COG7: variants seen among roughly 807,000 people sequenced by gnomAD.
COG7 encodes the protein conserved oligomeric Golgi complex subunit 7.
A neutral mutation model predicts 91.5 loss-of-function variants in COG7; 49 were observed. That is an observed-to-expected ratio of 0.54 (90% CI 0.43 to 0.68). COG7 has a LOEUF of 0.68. Ranked by LOEUF, COG7 falls within the 30% of genes least tolerant of loss-of-function variation. The pLI is 0.00. For synonymous variants in COG7, 365 were observed against 388.7 expected (o/e 0.94, Z 0.72); for missense variants, 895 against 961.3 (o/e 0.93, Z 0.91).
Position 23,388,642 on chromosome 16 carries a change from T to TTTTAAA in COG7, c.*277_*278insTTTAAA. On this transcript the variant is annotated 3_prime_UTR_variant, in exon 17 of 17. Transcript: ENST00000307149. ...ACCAAGTCTTTTTTTTTTTTTTTTT[T>TTTTAAA]GAGACAGAGTCTCGCTCTGCTGTTA... 1 of 171,694 alleles carries TTTTAAA rather than the reference T, an allele frequency of 5.8e-6. No individual in the cohort carries two copies. Among genetic ancestry groups the TTTTAAA allele is most frequent in the East Asian group, 1.5e-4 (1 of 6,744 alleles). 10.6% of individuals were successfully genotyped at this position (171,694 alleles called of 1,614,324 possible).
chr16:23,442,402 C>A (rs1964115789), intron 4 of COG7, 75 bp downstream of exon 4: 1 of 1,318,024 alleles, frequency 7.6e-7, no homozygotes. Context: ...TTAAGACATT[C>A]TAAAAACTGA....
intron 1 of COG7, among the ~76,000 whole-genome samples, chr16:23,447,953 C>T (rs140001965): frequency 6.0e-4 from 91 of 152,098 alleles, no homozygotes; most frequent in African/African-American, 2.2e-3. Flanking sequence ...CATAACGTGG[C>T]CCCTGTGGAC....
chr16:23,449,112 C>T (rs1964224351), intron 1 of COG7, among the ~76,000 whole-genome samples: 1 of 152,202 alleles, frequency 6.6e-6, no homozygotes, highest in African/African-American at 2.4e-5. Flanking sequence ...GCCTATAATC[C>T]CAGCACTTTG....
At chr16:23,448,237 G>C (rs1375865883) in intron 1 of COG7, among the ~76,000 whole-genome samples, 1 of 152,132 alleles carries the variant, frequency 6.6e-6, no homozygotes, top group African/African-American at 2.4e-5. Flanking sequence ...TGGCCAGAAA[G>C]GTCTTTCGCA....
intron 12 of COG7, among the ~76,000 whole-genome samples, chr16:23,404,645 T>C (rs1963430289): frequency 1.3e-5 from 2 of 152,130 alleles, no homozygotes; most frequent in African/African-American, 4.8e-5. Context: ...TCTGGCCAGG[T>C]GCAGTGGCTC....
chr16:23,443,598 G>A (rs561848255), intron 3 of COG7, among the ~76,000 whole-genome samples: 2 of 152,198 alleles, frequency 1.3e-5, no homozygotes, highest in African/African-American at 4.8e-5. Context: ...GGCTGAGGCA[G>A]GAGAATCGCT....
chr16:23,452,600 G>T, intron 1 of COG7: 1 of 601,410 alleles, frequency 1.7e-6, no homozygotes, highest in Non-Finnish European at 2.1e-6. Flanking sequence ...TTATAGCCCA[G>T]CCAGAGGAGG....
chr16:23,413,619 A>G (rs1327363820), intron 9 of COG7, 55 bp from the exon 10 acceptor site: 1 of 947,022 alleles, frequency 1.1e-6, no homozygotes, highest in Non-Finnish European at 1.8e-6. Flanking sequence ...CCCCAACTCT[A>G]AAGAGACCTG....
At chr16:23,425,752 A>C (rs1040642319) in intron 6 of COG7, among the ~76,000 whole-genome samples, 2 of 152,202 alleles carry the variant, frequency 1.3e-5, no homozygotes, top group Non-Finnish European at 2.9e-5. Flanking sequence ...TCCTCATGGC[A>C]AATGTGAACA....
At chr16:23,400,005 T>G (rs1268813634) in intron 13 of COG7, among the ~76,000 whole-genome samples, 1 of 152,170 alleles carries the variant, frequency 6.6e-6, no homozygotes, top group Non-Finnish European at 1.5e-5. Context: ...CTGTGATTAT[T>G]TTTAGAGTCC....
chr16:23,401,546 A>C (rs929946417), intron 13 of COG7, among the ~76,000 whole-genome samples: 1 of 152,196 alleles, frequency 6.6e-6, no homozygotes, highest in African/African-American at 2.4e-5. Context: ...TAAAAATAAT[A>C]CAAACAACCC....
intron 13 of COG7, among the ~76,000 whole-genome samples, chr16:23,401,919 T>C (rs1963384453): frequency 6.6e-6 from 1 of 151,670 alleles, no homozygotes. Flanking sequence ...TAGCCTGGAG[T>C]GGTGGCAGGC....
chr16:23,442,398 C>T, intron 4 of COG7, 79 bp downstream of exon 4: 1 of 1,230,268 alleles, frequency 8.1e-7, no homozygotes, highest in Non-Finnish European at 1.2e-6. Context: ...ACCATTAAGA[C>T]ATTCTAAAAA....
chr16:23,410,105 T>C (rs949354025), intron 11 of COG7, among the ~76,000 whole-genome samples, 190 bp downstream of exon 11: 1 of 152,210 alleles, frequency 6.6e-6, no homozygotes, highest in Non-Finnish European at 1.5e-5. Context: ...GACAAAGCCT[T>C]GCCCTTTTTA....
chr16:23,413,609 C>T (rs1384070864), intron 9 of COG7, 45 bp from the exon 10 acceptor site: 3 of 1,016,870 alleles, frequency 3.0e-6, no homozygotes, highest in Middle Eastern at 2.1e-4. Context: ...ACCACTGATT[C>T]CCCAACTCTA....
intron 8 of COG7, among the ~76,000 whole-genome samples, chr16:23,418,487 C>T (rs1050588114): frequency 2.6e-5 from 4 of 152,024 alleles, no homozygotes; most frequent in Admixed American, 6.6e-5. Flanking sequence ...CCAGCCTGGG[C>T]GACAGATGGA....
intron 6 of COG7, among the ~76,000 whole-genome samples, chr16:23,429,828 G>A (rs1963906212): frequency 1.3e-5 from 2 of 152,218 alleles, no homozygotes; most frequent in South Asian, 2.1e-4. Context: ...CAACAGAAAG[G>A]AACAAACTAG....
At chr16:23,400,166 C>T (rs1963350822) in intron 13 of COG7, among the ~76,000 whole-genome samples, 1 of 152,090 alleles carries the variant, frequency 6.6e-6, no homozygotes, top group African/African-American at 2.4e-5. Flanking sequence ...TAAAAACAGA[C>T]AATCAGACTA....
chr16:23,403,652 G>A, intron 13 of COG7, 42 bp downstream of exon 13: 2 of 1,612,390 alleles, frequency 1.2e-6, no homozygotes, highest in Non-Finnish European at 1.7e-6. Context: ...TGAGTTGGAG[G>A]CAGGACCCGG....
Sources: gnomAD v4.1 joint callset for allele counts (sites outside exome capture counted in the v4.1 genomes callset) on GRCh38, gnomAD v4.1.1 for gene constraint, MANE v1.5 for transcripts, NCBI Gene and HGNC (gene_info 2026-07-23, HGNC 2026-07-21) for gene names.